CASS4: variants seen among roughly 807,000 people sequenced by gnomAD.
CASS4 encodes the protein Cas scaffold protein family member 4.
CASS4 carries 22 observed loss-of-function variants against 54.2 expected under a neutral mutation model. The ratio of observed to expected loss-of-function variants is 0.41; its 90% CI spans 0.29 to 0.58. CASS4 has a LOEUF of 0.58. CASS4 is among the 20% of genes least tolerant of loss of function. CASS4 has a pLI of 0.36. For missense variants in CASS4, 854 were observed against 986.7 expected, an observed-to-expected ratio of 0.87 and a Z score of 1.80; for synonymous variants, 409 against 391.5, an observed-to-expected ratio of 1.04 and a Z score of -0.53.
At position 56,450,061 on chromosome 20, in the gene CASS4, C is replaced by T. The variant is rs146872250; in HGVS notation, c.562-538C>T. Reference sequence around the variant, plus strand: ...TTTTTTTTTCTTTGAGATGGAGTTTCGCTCCCGTTGCCCAGGCTGGAGCAC... The same window carrying T: ...TTTTTTTTTCTTTGAGATGGAGTTTTGCTCCCGTTGCCCAGGCTGGAGCAC... On this transcript the variant is annotated intron_variant, in intron 3 of 5. Transcript: ENST00000679887. 1.7e-3 allele frequency among the ~76,000 whole-genome samples: 259 copies of T among 148,204 alleles called. 1 individual carries two copies. The highest frequency in any genetic ancestry group is 6.0e-3 in the African/African-American group (241 of 40,176).
rs74921812 is a variant in CASS4, at chr20:56,430,846, C to T, written c.37-6318C>T. On this transcript the variant is annotated intron_variant, in intron 1 of 5. Coordinates refer to ENST00000679887, the MANE Select transcript of CASS4 (RefSeq NM_020356.4). This position sits in a 1 kb window ranked among gnomAD's most constrained non-coding sequence, Gnocchi z 4.2. ...AAGAAAAGGTCTGAGGTGGAAGCAA[C>T]CTCAGGGCATTTGAGAAAAGTAAGA... 2.6e-3 allele frequency among the ~76,000 whole-genome samples: 399 copies of T among 152,204 alleles called. 1 individual carries two copies. Among genetic ancestry groups the T allele is most frequent in the Non-Finnish European group, 4.7e-3 (323 of 68,020 alleles).
At chr20:56,445,322 C>T (rs1980653307) in intron 2 of CASS4, among the ~76,000 whole-genome samples, 1 of 152,184 alleles carries the variant, frequency 6.6e-6, no homozygotes, top group Non-Finnish European at 1.5e-5. Flanking sequence ...AGCTGCAGCT[C>T]AACTGGTCAC....
At position 56,437,024 on chromosome 20, in the gene CASS4, A is replaced by G; in HGVS notation, c.37-140A>G. 2.6e-6 allele frequency: 2 copies of G among 758,336 alleles called. No homozygotes were observed. The highest frequency in any genetic ancestry group is 2.1e-6 in the Non-Finnish European group (1 of 477,498). The allele number at this position is 758,336 out of a possible 1,614,324, so 47.0% of individuals were successfully genotyped here. ...TGAAGGAACAAATCAAAGAGCAGGG[A>G]CAAGAGCCTCTGGGGTGGAAGAAAT... On this transcript the variant is annotated intron_variant, in intron 1 of 5. Coordinates refer to ENST00000679887, the MANE Select transcript of CASS4 (RefSeq NM_020356.4). The surrounding 1 kb of genome is among the most constrained non-coding windows in gnomAD (Gnocchi z 4.7).
chr20:56,447,840 T>G (rs1297881569), intron 3 of CASS4, among the ~76,000 whole-genome samples: 3 of 148,890 alleles, frequency 2.0e-5, no homozygotes, highest in Non-Finnish European at 1.5e-5. Context: ...GCGCTTGCCT[T>G]GGGTGTAAAA....
chr20:56,450,453 T>C, intron 3 of CASS4, 146 bp from the exon 4 acceptor site: 4 of 717,480 alleles, frequency 5.6e-6, no homozygotes, highest in Non-Finnish European at 9.6e-6. Flanking sequence ...ATTTCTACCA[T>C]TACAGCATCA....
intron 1 of CASS4, among the ~76,000 whole-genome samples, chr20:56,425,770 C>T (rs1009185717): frequency 3.9e-5 from 6 of 152,146 alleles, no homozygotes; most frequent in African/African-American, 1.4e-4. Context: ...TCCAACTGTA[C>T]AAATGAACAT....
In CASS4 at chr20:56,452,891, A is replaced by T. The variant is rs1340177781; in HGVS notation, c.1715A>T (p.Asp572Val). Residue 572 changes from aspartate to valine, a missense_variant, in exon 5 of 6, where the codon GAC becomes GTC. Coordinates refer to ENST00000679887, the MANE Select transcript of CASS4 (RefSeq NM_020356.4). ...ATGGTGGCACGGATGCTTCCAGAAG[A>T]CATCAAGAGGTTTGCCTCCATTGTC... is the stretch of plus-strand genomic sequence containing the variant. ...FVMVARMLPE[D>V]IKRFASIVIA... is the part of the protein sequence containing the mutation. 2 of 1,613,960 alleles carry T rather than the reference A, an allele frequency of 1.2e-6. No individual in the cohort carries two copies. Among genetic ancestry groups the T allele is most frequent in the African/African-American group, 1.3e-5 (1 of 74,886 alleles).
intron 4 of CASS4, 43 bp downstream of exon 4, chr20:56,450,722 A>G: frequency 7.0e-6 from 11 of 1,576,936 alleles, no homozygotes; most frequent in Non-Finnish European, 7.8e-6. Context: ...ATGAACACAC[A>G]AAATCCTCTC....
Position 56,452,418 on chromosome 20 carries a change from C to T in CASS4, c.1242C>T (p.Ser414=). The part of the protein sequence containing the change: ...DSRASIVSSC[S]TTSTDDSSSS... The stretch of plus-strand genomic sequence containing the variant: ...GAGCTAGCATCGTTTCCTCGTGCTC[C>T]ACCACATCCACCGACGACTCCTCCA... Residue 414 remains serine, a synonymous_variant, in exon 5 of 6, where the codon TCC becomes TCT. Coordinates refer to ENST00000679887, the MANE Select transcript of CASS4 (RefSeq NM_020356.4). 1 of 1,614,048 alleles carries T rather than the reference C, an allele frequency of 6.2e-7. No individual in the cohort carries two copies. The highest frequency in any genetic ancestry group is 8.5e-7 in the Non-Finnish European group (1 of 1,179,996).
intron 2 of CASS4, among the ~76,000 whole-genome samples, chr20:56,440,837 A>G (rs1980420012): frequency 6.6e-6 from 1 of 152,276 alleles, no homozygotes; most frequent in South Asian, 2.1e-4. Flanking sequence ...CCCTTTAACC[A>G]CTGAGCAGAG....
chr20:56,440,062 A>G (rs1980384940), intron 2 of CASS4, among the ~76,000 whole-genome samples: 1 of 152,230 alleles, frequency 6.6e-6, no homozygotes, highest in South Asian at 2.1e-4. Context: ...TCCTTAGAAG[A>G]TTTTGAATAC....
chr20:56,443,803 G>A (rs1037946256), intron 2 of CASS4, among the ~76,000 whole-genome samples: 4 of 152,132 alleles, frequency 2.6e-5, no homozygotes, highest in South Asian at 2.1e-4. Flanking sequence ...TCCTGGACCC[G>A]GAAACCCCTT....
At chr20:56,418,990 T>C (rs1270295998) in intron 1 of CASS4, among the ~76,000 whole-genome samples, 1 of 152,134 alleles carries the variant, frequency 6.6e-6, no homozygotes, top group African/African-American at 2.4e-5. Flanking sequence ...TTATTTCCTA[T>C]AGAGCACACT....
chr20:56,443,592 G>C (rs907702179), intron 2 of CASS4, among the ~76,000 whole-genome samples: 2 of 152,092 alleles, frequency 1.3e-5, no homozygotes, highest in Non-Finnish European at 2.9e-5. Flanking sequence ...AGTGTAAAGA[G>C]GGAGATCACA....
intron 1 of CASS4, among the ~76,000 whole-genome samples, chr20:56,435,944 G>T (rs1980133807): frequency 6.6e-6 from 1 of 151,878 alleles, no homozygotes; most frequent in Admixed American, 6.6e-5. Flanking sequence ...TAGAGACAGG[G>T]TTTCACCATG....
chr20:56,427,118 G>T (rs1041008661), intron 1 of CASS4, among the ~76,000 whole-genome samples: 10 of 150,210 alleles, frequency 6.7e-5, no homozygotes, highest in South Asian at 2.1e-4. Context: ...CCATGATCAT[G>T]CCTGTGAATA....
In CASS4 at chr20:56,458,422, A is replaced by G. The variant is rs1294928152; in HGVS notation, c.2036A>G (p.Tyr679Cys). The G allele has an allele frequency of 1.2e-6, 2 of 1,614,026 alleles. No individual in the cohort carries two copies. The highest frequency in any genetic ancestry group is 1.7e-6 in the Non-Finnish European group (2 of 1,179,998). ...CGCTTATCTGAACACTGCCGGCTCT[A>G]CTTTGGGGCGCTCTTCAAAGCCATC... The part of the protein sequence containing the change: ...KPRLSEHCRL[Y>C]FGALFKAISA... The change falls in exon 6 of 6, where the codon TAC becomes TGC. Residue 679 changes from tyrosine to cysteine, a missense_variant. Coordinates refer to ENST00000679887, the MANE Select transcript of CASS4 (RefSeq NM_020356.4).
intron 3 of CASS4, among the ~76,000 whole-genome samples, chr20:56,449,960 A>T (rs532183915): frequency 1.3e-5 from 2 of 152,148 alleles, no homozygotes; most frequent in African/African-American, 4.8e-5. Context: ...CTCAAGATAA[A>T]TTACCATTTT....
Position 56,430,953 on chromosome 20 carries a change from G to A in CASS4, c.37-6211G>A, listed in dbSNP as rs1169125308. Among the ~76,000 whole-genome samples, 4 of 152,164 alleles carry A rather than the reference G, an allele frequency of 2.6e-5. No homozygotes were observed. The highest frequency in any genetic ancestry group is 5.9e-5 in the Non-Finnish European group (4 of 68,018). ...TCCTGCCTCGAAGCCACACTAGGAA[G>A]GTGACCTTTTGTTCTGAATGCAGTT... On this transcript the variant is annotated intron_variant, in intron 1 of 5. Transcript: ENST00000679887. This position sits in a 1 kb window ranked among gnomAD's most constrained non-coding sequence, Gnocchi z 4.2.
Sources: gnomAD v4.1 joint callset for allele counts (sites outside exome capture counted in the v4.1 genomes callset) on GRCh38, gnomAD v4.1.1 for gene constraint, Gnocchi (gnomAD v3.1) non-coding constraint, MANE v1.5 for transcripts, NCBI Gene and HGNC (gene_info 2026-07-23, HGNC 2026-07-21) for gene names.